Variants in HECW2 observed in about 807,000 individuals in gnomAD.
HECW2 encodes HECT, C2 and WW domain containing E3 ubiquitin protein ligase 2.
HECW2 carries 61 observed loss-of-function variants against 175.2 expected under a neutral mutation model. The observed-to-expected ratio is 0.35, with a 90% confidence interval of 0.28 to 0.43. The LOEUF is 0.43. Among genes scored for constraint, HECW2 ranks in the 20% least tolerant of loss-of-function variants. HECW2 has a pLI of 1.00. For missense variants in HECW2, 1,524 were observed against 2,000.5 expected (o/e 0.76, Z 4.54); for synonymous variants, 671 against 731.0 (o/e 0.92, Z 1.32).
chr2:196,463,850 T>C (rs960404879), intron 1 of HECW2, among the ~76,000 whole-genome samples: 2 of 152,194 alleles, frequency 1.3e-5, no homozygotes, highest in Non-Finnish European at 2.9e-5. Flanking sequence ...ACTAGCAACA[T>C]TCAATATCTG....
intron 10 of HECW2, among the ~76,000 whole-genome samples, chr2:196,315,047 T>C (rs967495979): frequency 6.6e-6 from 1 of 152,030 alleles, no homozygotes; most frequent in African/African-American, 2.4e-5. Flanking sequence ...GAGACAGAGC[T>C]GAACAGCAAT....
In HECW2 at chr2:196,513,763, T is replaced by C. The variant is rs553875854; in HGVS notation, c.-36+79745A>G. ...GAGACAGAGCGGATAAAAGGGATCA[T>C]CCACACCAGTGGTGCTCAAAGAGGG... On this transcript the variant is annotated intron_variant, in intron 1 of 28. Transcript: ENST00000644978. 2.0e-5 allele frequency among the ~76,000 whole-genome samples: 3 copies of C among 152,350 alleles called. No homozygotes were observed. The South Asian group carries it at 6.2e-4, about 32-fold the overall frequency.
At chr2:196,587,995 CA>C (rs1236845829) in intron 1 of HECW2, among the ~76,000 whole-genome samples, 1 of 152,190 alleles carries the variant, frequency 6.6e-6, no homozygotes, top group East Asian at 1.9e-4. Flanking sequence ...CTCTATCCCT[CA>C]GGTATTTGTA....
At chr2:196,592,919 G>T (rs2125543044) in intron 1 of HECW2, 1 of 151,220 alleles carries the variant, frequency 6.6e-6, no homozygotes, top group South Asian at 2.1e-4. Flanking sequence ...CGGGGGCGCC[G>T]CCGCGCGTTG....
chr2:196,434,191 TCTACAACAGTGCCTG>T (rs1695802595), intron 1 of HECW2, among the ~76,000 whole-genome samples: 1 of 152,236 alleles, frequency 6.6e-6, no homozygotes, highest in African/African-American at 2.4e-5. Flanking sequence ...ATCCCCAGTG[TCTACAACAGTGCCTG>T]CTACACGGTA....
chr2:196,565,853 G>T (rs950565340), intron 1 of HECW2, among the ~76,000 whole-genome samples: 1 of 152,006 alleles, frequency 6.6e-6, no homozygotes, highest in Non-Finnish European at 1.5e-5. Context: ...TAGTACATGC[G>T]AATAGTCATA....
intron 1 of HECW2, among the ~76,000 whole-genome samples, chr2:196,515,284 G>A (rs141766799): frequency 2.6e-5 from 4 of 152,346 alleles, no homozygotes; most frequent in East Asian, 3.9e-4. Flanking sequence ...CTCTGCACCC[G>A]GCTTGGCAGG....
intron 1 of HECW2, among the ~76,000 whole-genome samples, chr2:196,509,153 T>C (rs750733368): frequency 2.0e-5 from 3 of 152,182 alleles, no homozygotes; most frequent in Admixed American, 2.0e-4. Flanking sequence ...CTACAAAAGA[T>C]ATTTTAAAGG....
At chr2:196,283,673 G>A (rs976016251) in intron 14 of HECW2, among the ~76,000 whole-genome samples, 1 of 152,150 alleles carries the variant, frequency 6.6e-6, no homozygotes, top group African/African-American at 2.4e-5. Context: ...AAGCCACCAT[G>A]CCTGGTGAGA....
intron 1 of HECW2, among the ~76,000 whole-genome samples, chr2:196,458,035 T>C (rs1057175119): frequency 1.3e-5 from 2 of 152,060 alleles, no homozygotes; most frequent in Admixed American, 6.6e-5. Context: ...TTTGGGAGGC[T>C]GAGGTGGGAG....
intron 2 of HECW2, among the ~76,000 whole-genome samples, chr2:196,417,943 C>T (rs1695298719): frequency 6.6e-6 from 1 of 152,088 alleles, no homozygotes; most frequent in African/African-American, 2.4e-5. Context: ...TACTTGGATG[C>T]CTTAAAAAGA....
At chr2:196,523,777 T>A (rs1298901750) in intron 1 of HECW2, among the ~76,000 whole-genome samples, 1 of 150,914 alleles carries the variant, frequency 6.6e-6, no homozygotes. Flanking sequence ...CTGGATTACA[T>A]TTATTGATTT....
At chr2:196,288,675 T>C (rs1690486157) in intron 14 of HECW2, 1 of 152,206 alleles carries the variant, frequency 6.6e-6, no homozygotes, top group Non-Finnish European at 1.5e-5. Context: ...CTGATGAGAT[T>C]TTTTGGTTAC....
intron 2 of HECW2, among the ~76,000 whole-genome samples, chr2:196,351,311 G>T (rs1693163130): frequency 6.6e-6 from 1 of 151,384 alleles, no homozygotes; most frequent in Non-Finnish European, 1.5e-5. Context: ...ATTTTTAAAA[G>T]ATTAATTTTT....
At position 196,199,434 on chromosome 2, in the gene HECW2, A is replaced by T. The variant is rs141855178; in HGVS notation, c.*1843T>A. On this transcript the variant is annotated 3_prime_UTR_variant, in exon 29 of 29. Transcript: ENST00000644978. ...ACACTGCAGTACGTGCCTTTAGTGC[A>T]GGAGTGTAACATAAGTGGTATTCCT... 2.3e-3 allele frequency: 348 copies of T among 152,656 alleles called. No homozygotes were observed. Among genetic ancestry groups the T allele is most frequent in the Non-Finnish European group, 3.1e-3 (208 of 68,004 alleles). The allele number at this position is 152,656 out of a possible 1,614,324, so 9.5% of individuals were successfully genotyped here.
At chr2:196,301,543 T>C (rs1158379383) in intron 13 of HECW2, among the ~76,000 whole-genome samples, 1 of 152,130 alleles carries the variant, frequency 6.6e-6, no homozygotes, top group Non-Finnish European at 1.5e-5. Flanking sequence ...GCATCTGTTG[T>C]GTTCTTACTT....
At chr2:196,575,017 C>T (rs1465527469) in intron 1 of HECW2, among the ~76,000 whole-genome samples, 2 of 136,826 alleles carry the variant, frequency 1.5e-5, no homozygotes, top group East Asian at 4.4e-4. Context: ...GGAGTTCAAG[C>T]TTACGGTGAG....
chr2:196,421,633 T>C (rs941713182), intron 2 of HECW2, among the ~76,000 whole-genome samples: 1 of 152,228 alleles, frequency 6.6e-6, no homozygotes, highest in Admixed American at 6.5e-5. Context: ...CTAAACCGCA[T>C]GCAAAAGCTA....
chr2:196,370,924 T>A (rs1271484313), intron 2 of HECW2, among the ~76,000 whole-genome samples: 1 of 152,182 alleles, frequency 6.6e-6, no homozygotes, highest in Non-Finnish European at 1.5e-5. Flanking sequence ...GTGTCAGCAA[T>A]GAAAAACTCT....
Sources: allele counts gnomAD v4.1 joint callset (sites outside exome capture counted in the v4.1 genomes callset), GRCh38; gene constraint gnomAD v4.1.1; transcripts MANE v1.5; gene names NCBI Gene and HGNC (gene_info 2026-07-23, HGNC 2026-07-21).